ASTN2: variants seen among roughly 807,000 people sequenced by gnomAD.
ASTN2 encodes astrotactin-2.
Under a neutral mutation model 139.8 loss-of-function variants are expected in ASTN2, and 54 were observed. The observed-to-expected ratio is 0.39, with a 90% CI of 0.31 to 0.48. The LOEUF is 0.48. ASTN2 is among the 20% of genes least tolerant of loss of function. The pLI, the probability that ASTN2 is intolerant of heterozygous loss-of-function variation, is 0.95. For missense variants in ASTN2, 1,565 were observed against 1,725.1 expected, an observed-to-expected ratio of 0.91 and a Z score of 1.64; for synonymous variants, 756 against 719.5, an observed-to-expected ratio of 1.05 and a Z score of -0.81.
chr9:117,219,196 C>A (rs1832432731), intron 2 of ASTN2, among the ~76,000 whole-genome samples: 1 of 152,156 alleles, frequency 6.6e-6, no homozygotes, highest in African/African-American at 2.4e-5. Context: ...TCCACCTGCA[C>A]TGGTCCAGGC....
chr9:117,070,043 C>A (rs568931445), intron 5 of ASTN2, among the ~76,000 whole-genome samples: 2 of 150,270 alleles, frequency 1.3e-5, no homozygotes, highest in South Asian at 4.3e-4. Context: ...TGAGTTTGAT[C>A]CTGTCATTAT....
In ASTN2 at chr9:117,301,296, ACTT is replaced by A. The variant is rs570526150; in HGVS notation, c.443-9786_443-9784del. On this transcript the variant is annotated intron_variant, in intron 1 of 22. Transcript: ENST00000313400. ...CAGCCCAATGTCAATGAGTTTTTCT[ACTT>A]CTTCTTCTCCTCTTCCTTGTCCCAC... Among the ~76,000 whole-genome samples the A allele has an allele frequency of 2.9e-3, 443 of 152,234 alleles. 3 individuals carry two copies. The highest frequency in any genetic ancestry group is 3.8e-3 in the Non-Finnish European group (261 of 68,026).
intron 2 of ASTN2, among the ~76,000 whole-genome samples, chr9:117,283,711 G>T (rs141636693): frequency 1.3e-5 from 2 of 152,036 alleles, no homozygotes; most frequent in Admixed American, 1.3e-4. Context: ...TCCCTCTCAG[G>T]ATCTGTTTTC....
intron 20 of ASTN2, among the ~76,000 whole-genome samples, chr9:116,458,494 CTACT>C (rs1384002418): frequency 4.0e-5 from 6 of 151,470 alleles, no homozygotes; most frequent in African/African-American, 9.7e-5. Context: ...ATATATACAC[CTACT>C]ATGTACCCAT....
At chr9:116,805,109 A>AGTGTGTGTGTGT (rs10681699) in intron 13 of ASTN2, among the ~76,000 whole-genome samples, 2,846 of 143,074 alleles carry the variant, frequency 0.02, 58 homozygotes, top group African/African-American at 0.047. Context: ...GGATTTGGGG[A>AGTGTGTGTGTGT]GTGTGTGTGT....
At chr9:117,242,998 T>C (rs765033253) in intron 2 of ASTN2, among the ~76,000 whole-genome samples, 1 of 152,254 alleles carries the variant, frequency 6.6e-6, no homozygotes, top group Non-Finnish European at 1.5e-5. Flanking sequence ...ATCATCATCA[T>C]CACCATAATT....
At chr9:116,456,304 T>G (rs10817894) in intron 20 of ASTN2, among the ~76,000 whole-genome samples, 32,180 of 151,878 alleles carry the variant, frequency 0.21, 3,636 homozygotes, top group Middle Eastern at 0.29. Flanking sequence ...ACTGAAGAAG[T>G]GAAATATTTC....
At chr9:116,719,485 TC>T (rs1279885112) in intron 16 of ASTN2, among the ~76,000 whole-genome samples, 13 of 152,126 alleles carry the variant, frequency 8.5e-5, no homozygotes, top group African/African-American at 2.9e-4. Flanking sequence ...TGAGAAGGAT[TC>T]CTAGGTTTCT....
chr9:116,826,957 A>G (rs906240702), intron 11 of ASTN2, among the ~76,000 whole-genome samples: 1 of 152,202 alleles, frequency 6.6e-6, no homozygotes, highest in Admixed American at 6.5e-5. Flanking sequence ...AGTTTATAGC[A>G]TTAAATGCCT....
At chr9:116,771,458 C>T (rs1441750) in intron 13 of ASTN2, among the ~76,000 whole-genome samples, 64,484 of 151,974 alleles carry the variant, frequency 0.42, 14,799 homozygotes, top group Non-Finnish European at 0.52. Context: ...AATAGTACTA[C>T]ATTTATGCTT....
chr9:117,261,288 A>G (rs1833816126), intron 2 of ASTN2, among the ~76,000 whole-genome samples: 1 of 152,166 alleles, frequency 6.6e-6, no homozygotes, highest in African/African-American at 2.4e-5. Context: ...AGGGTGTGTA[A>G]TTCAGCAGAA....
chr9:117,019,695 G>A (rs953197565), intron 6 of ASTN2, among the ~76,000 whole-genome samples: 3 of 152,118 alleles, frequency 2.0e-5, no homozygotes, highest in Non-Finnish European at 2.9e-5. Flanking sequence ...GTGAATTCCC[G>A]TCTTCTGTTC....
chr9:117,119,177 C>A (rs931209055), intron 4 of ASTN2, among the ~76,000 whole-genome samples: 3 of 152,136 alleles, frequency 2.0e-5, no homozygotes, highest in African/African-American at 7.2e-5. Flanking sequence ...GTAAATTGCC[C>A]ACTCTGCCTG....
intron 1 of ASTN2, among the ~76,000 whole-genome samples, chr9:117,336,560 C>G (rs900021153): frequency 3.5e-4 from 54 of 152,246 alleles, no homozygotes; most frequent in Admixed American, 2.2e-3. Context: ...ATAATATATC[C>G]TGTTTATTCT....
intron 20 of ASTN2, among the ~76,000 whole-genome samples, chr9:116,445,496 T>C (rs1847959916): frequency 1.3e-5 from 2 of 152,220 alleles, no homozygotes. Context: ...AGGCCACTTA[T>C]GTTCCTGTGG....
At chr9:116,875,369 T>C (rs1467093903) in intron 10 of ASTN2, among the ~76,000 whole-genome samples, 2 of 152,236 alleles carry the variant, frequency 1.3e-5, no homozygotes, top group African/African-American at 4.8e-5. Context: ...GTCCTAATTC[T>C]CTTCAATTCT....
chr9:117,048,872 T>C (rs1394780712), intron 5 of ASTN2, among the ~76,000 whole-genome samples: 1 of 152,026 alleles, frequency 6.6e-6, no homozygotes, highest in East Asian at 1.9e-4. Flanking sequence ...GATCTTTTCA[T>C]GTCACTATGT....
At chr9:116,895,783 T>C (rs1833865657) in intron 10 of ASTN2, among the ~76,000 whole-genome samples, 1 of 152,012 alleles carries the variant, frequency 6.6e-6, no homozygotes, top group Admixed American at 6.6e-5. Context: ...AACATAAATA[T>C]CAGAAAAATG....
chr9:117,354,960 A>C (rs80081999), intron 1 of ASTN2, among the ~76,000 whole-genome samples: 3,007 of 152,336 alleles, frequency 0.02, 96 homozygotes, highest in African/African-American at 0.066. Flanking sequence ...ACTATTTATA[A>C]AAGTATTTGT....
Sources: gnomAD v4.1 joint callset for allele counts (sites outside exome capture counted in the v4.1 genomes callset) on GRCh38, gnomAD v4.1.1 for gene constraint, MANE v1.5 for transcripts, NCBI Gene and HGNC (gene_info 2026-07-23, HGNC 2026-07-21) for gene names.